EPC1: variants seen among roughly 807,000 people sequenced by gnomAD.
The protein encoded by EPC1 is enhancer of polycomb homolog 1.
Under a neutral mutation model 98.4 loss-of-function variants are expected in EPC1, and 12 were observed. The observed-to-expected ratio is 0.12, with a 90% CI of 0.08 to 0.20. EPC1 has a LOEUF of 0.20. Among genes scored for constraint, EPC1 ranks in the 10% least tolerant of loss-of-function variants. EPC1 has a pLI of 1.00. For synonymous variants in EPC1, 357 were observed against 363.9 expected (o/e 0.98, Z 0.21); for missense variants, 729 against 990.5 (o/e 0.74, Z 3.54).
chr10:32,339,318 C>T (rs1448659141), intron 1 of EPC1, among the ~76,000 whole-genome samples: 1 of 152,146 alleles, frequency 6.6e-6, no homozygotes, highest in Non-Finnish European at 1.5e-5. Flanking sequence ...CATGTGGAAG[C>T]AGAGCTAGAG....
At chr10:32,289,356 A>G (rs1416790290) in intron 6 of EPC1, among the ~76,000 whole-genome samples, 2 of 151,802 alleles carry the variant, frequency 1.3e-5, no homozygotes, top group Non-Finnish European at 2.9e-5. Flanking sequence ...GGAAAAAAAA[A>G]AGTCCATGTT....
chr10:32,377,175 T>G (rs1004859209), intron 1 of EPC1: 1 of 152,200 alleles, frequency 6.6e-6, no homozygotes, highest in African/African-American at 2.4e-5. Context: ...CCAAAATATT[T>G]GTTATTTTTA....
intron 1 of EPC1, among the ~76,000 whole-genome samples, chr10:32,323,779 C>T (rs1396379007): frequency 6.6e-6 from 1 of 152,116 alleles, no homozygotes; most frequent in Non-Finnish European, 1.5e-5. Context: ...TGAAATCAAC[C>T]TGTTTCTTTA....
At chr10:32,334,163 A>G (rs1837810322) in intron 1 of EPC1, among the ~76,000 whole-genome samples, 1 of 152,244 alleles carries the variant, frequency 6.6e-6, no homozygotes, top group African/African-American at 2.4e-5. Flanking sequence ...CAGAATTGTT[A>G]CAGACCAGGG....
intron 6 of EPC1, among the ~76,000 whole-genome samples, chr10:32,290,547 T>A (rs1836954993): frequency 6.8e-6 from 1 of 147,142 alleles, no homozygotes; most frequent in Non-Finnish European, 1.5e-5. Context: ...GAGGATTTCA[T>A]GTCTTTCTCC....
upstream of EPC1, among the ~76,000 whole-genome samples, chr10:32,349,389 A>G (rs547533942): frequency 2.0e-5 from 3 of 152,214 alleles, no homozygotes; most frequent in Non-Finnish European, 4.4e-5. Flanking sequence ...CCTCCGTGGC[A>G]AATTCACAGA....
chr10:32,272,300 T>C, intron 11 of EPC1, 133 bp from the exon 12 acceptor site: 1 of 658,008 alleles, frequency 1.5e-6, no homozygotes, highest in Non-Finnish European at 2.5e-6. Context: ...TCTATTTTGG[T>C]ACCTTGAGAT....
chr10:32,292,295 C>G (rs1261282320), intron 5 of EPC1: 2 of 362,234 alleles, frequency 5.5e-6, no homozygotes, highest in Non-Finnish European at 9.5e-6. Context: ...TATGTTTTAA[C>G]TTAAGTGAAT....
intron 2 of EPC1, among the ~76,000 whole-genome samples, chr10:32,296,987 A>G (rs1835208309): frequency 6.6e-6 from 1 of 152,068 alleles, no homozygotes; most frequent in African/African-American, 2.4e-5. Flanking sequence ...AGAAAAGCTA[A>G]CATGTAAAAA....
At position 32,342,732 on chromosome 10, in the gene EPC1, C is replaced by G. The variant is rs534062394; in HGVS notation, c.153+4031G>C. Among the ~76,000 whole-genome samples, 6 of 152,282 alleles carry G rather than the reference C, an allele frequency of 3.9e-5. No individual in the cohort carries two copies. The East Asian group carries it at 7.7e-4, about 20-fold the overall frequency. The stretch of plus-strand genomic sequence containing the variant: ...GAGAGGAAAGGTTAAGTTGCCACCC[C>G]CTCATAAATGGAACAACGCACCCTA... On this transcript the variant is annotated intron_variant, in intron 1 of 13. Coordinates refer to ENST00000319778, the MANE Select transcript of EPC1 (RefSeq NM_001272004.3).
At chr10:32,337,902 G>A (rs996130131) in intron 1 of EPC1, among the ~76,000 whole-genome samples, 2 of 151,974 alleles carry the variant, frequency 1.3e-5, no homozygotes, top group African/African-American at 4.8e-5. Context: ...CTTCTCAGTG[G>A]ACATAGTTAA....
chr10:32,359,483 T>C (rs1839377544), intron 1 of EPC1, among the ~76,000 whole-genome samples: 1 of 152,218 alleles, frequency 6.6e-6, no homozygotes, highest in Non-Finnish European at 1.5e-5. Flanking sequence ...ATTTAAGCTA[T>C]TGAAAGCTGT....
At chr10:32,358,427 T>C (rs547850812) in intron 1 of EPC1, among the ~76,000 whole-genome samples, 13 of 152,172 alleles carry the variant, frequency 8.5e-5, no homozygotes, top group African/African-American at 3.1e-4. Flanking sequence ...GAGGATCACT[T>C]GCACCCAGGA....
intron 10 of EPC1, among the ~76,000 whole-genome samples, chr10:32,277,259 C>G (rs1002480125): frequency 6.6e-6 from 1 of 151,988 alleles, no homozygotes; most frequent in Non-Finnish European, 1.5e-5. Flanking sequence ...ATTAAAAGCT[C>G]CAAATATTTA....
intron 1 of EPC1, among the ~76,000 whole-genome samples, chr10:32,317,515 G>A (rs1030564884): frequency 6.6e-6 from 1 of 152,102 alleles, no homozygotes; most frequent in Non-Finnish European, 1.5e-5. Flanking sequence ...GGTGGCACAT[G>A]GCTGTAATCC....
At chr10:32,357,176 A>G (rs11008900) in intron 1 of EPC1, among the ~76,000 whole-genome samples, 3,749 of 152,300 alleles carry the variant, frequency 0.025, 161 homozygotes, top group African/African-American at 0.086. Context: ...AACAGAGTAC[A>G]TGACGTATCT....
upstream of EPC1, among the ~76,000 whole-genome samples, chr10:32,347,872 T>G (rs1173585357): frequency 6.6e-6 from 1 of 152,272 alleles, no homozygotes; most frequent in Non-Finnish European, 1.5e-5. Flanking sequence ...CGCATTGGGC[T>G]TAATATAAAT....
intron 1 of EPC1, among the ~76,000 whole-genome samples, chr10:32,315,844 C>T (rs1359920237): frequency 6.6e-6 from 1 of 152,180 alleles, no homozygotes; most frequent in Non-Finnish European, 1.5e-5. Flanking sequence ...ACAGTGAAAG[C>T]AATCCTGTTA....
chr10:32,305,298 T>C (rs190873562), intron 2 of EPC1, among the ~76,000 whole-genome samples: 3 of 152,364 alleles, frequency 2.0e-5, no homozygotes, highest in East Asian at 3.9e-4. Flanking sequence ...GCGACATTCA[T>C]TCATTTTTCT....
Sources: allele counts gnomAD v4.1 joint callset (sites outside exome capture counted in the v4.1 genomes callset), GRCh38; gene constraint gnomAD v4.1.1; transcripts MANE v1.5; gene names NCBI Gene and HGNC (gene_info 2026-07-23, HGNC 2026-07-21).